Variants in ANO2 observed in about 807,000 individuals in gnomAD.
ANO2 encodes the protein anoctamin-2.
ANO2 carries 101 observed loss-of-function variants against 124.2 expected under a neutral mutation model. The observed-to-expected ratio is 0.81, with a 90% CI of 0.69 to 0.96. The LOEUF is 0.96. ANO2 is among the 40% of genes least tolerant of loss of function. The pLI, the probability that ANO2 is intolerant of heterozygous loss-of-function variation, is 0.00. For synonymous variants in ANO2, 486 were observed against 482.5 expected, an observed-to-expected ratio of 1.01 and a Z score of -0.09; for missense variants, 1,293 against 1,274.5, an observed-to-expected ratio of 1.01 and a Z score of -0.22.
intron 1 of ANO2, among the ~76,000 whole-genome samples, chr12:5,936,891 T>C (rs1046563285): frequency 2.0e-5 from 3 of 152,240 alleles, no homozygotes; most frequent in East Asian, 3.8e-4. Context: ...AGAATTTTTA[T>C]AGAATTTTAT....
chr12:5,662,229 T>C (rs565864448), intron 14 of ANO2, among the ~76,000 whole-genome samples: 1 of 152,372 alleles, frequency 6.6e-6, no homozygotes, highest in African/African-American at 2.4e-5. Flanking sequence ...AGAGAAGACC[T>C]AGACCTATGC....
Position 5,858,834 on chromosome 12 carries a change from G to A in ANO2, c.535-4693C>T, listed in dbSNP as rs1358552112. ...TTCTTCAAGCACCTAGCACGAGACTGCACACACAGCAGGTCCTTGCTGGGG... is the reference window on the plus strand; with the variant it reads ...TTCTTCAAGCACCTAGCACGAGACTACACACACAGCAGGTCCTTGCTGGGG... On this transcript the variant is annotated intron_variant, in intron 3 of 24. Transcript: ENST00000682330. 3 of 152,358 alleles carry A rather than the reference G, an allele frequency of 2.0e-5. No individual in the cohort carries two copies. The East Asian group carries it at 5.8e-4, about 29-fold the overall frequency. 9.4% of individuals were successfully genotyped at this position (152,358 alleles called of 1,614,324 possible).
At position 5,739,070 on chromosome 12, in the gene ANO2, G is replaced by T. The variant is rs1950987616; in HGVS notation, c.1434+247C>A. 10 of 641,072 alleles carry T rather than the reference G, an allele frequency of 1.6e-5. 1 individual carries two copies. The highest frequency in any genetic ancestry group is 2.9e-5 in the Non-Finnish European group (10 of 345,848). The allele number at this position is 641,072 out of a possible 1,614,324, so 39.7% of individuals were successfully genotyped here. ...CTCTTTCCCCAGAGGAGGGCACTGG[G>T]ACATCTGCCCAAACACCAGGCTCAA... is the stretch of plus-strand genomic sequence containing the variant. On this transcript the variant is annotated intron_variant, in intron 13 of 24. Transcript: ENST00000682330.
At chr12:5,710,137 T>C (rs182455301) in intron 14 of ANO2, among the ~76,000 whole-genome samples, 8 of 152,354 alleles carry the variant, frequency 5.3e-5, no homozygotes, top group African/African-American at 1.9e-4. Flanking sequence ...GGAAGACCCC[T>C]GTGAAAGCCC....
At chr12:5,894,814 T>C (rs1365929088) in intron 3 of ANO2, among the ~76,000 whole-genome samples, 1 of 152,182 alleles carries the variant, frequency 6.6e-6, no homozygotes, top group Non-Finnish European at 1.5e-5. Context: ...TGGGTGGCGT[T>C]ATTTCTGAGG....
At chr12:5,792,584 C>A (rs909555301) in intron 10 of ANO2, among the ~76,000 whole-genome samples, 3 of 152,302 alleles carry the variant, frequency 2.0e-5, no homozygotes, top group African/African-American at 7.2e-5. Flanking sequence ...TCACATCACA[C>A]TGATGTTTCT....
At chr12:5,829,118 C>T (rs1342213361) in intron 6 of ANO2, among the ~76,000 whole-genome samples, 7 of 152,136 alleles carry the variant, frequency 4.6e-5, no homozygotes, top group Admixed American at 1.3e-4. Flanking sequence ...TAAATAACTA[C>T]GGGGCCCAAG....
intron 19 of ANO2, among the ~76,000 whole-genome samples, chr12:5,611,636 T>C (rs776013751): frequency 8.5e-5 from 13 of 152,194 alleles, no homozygotes; most frequent in Non-Finnish European, 1.3e-4. Context: ...CCACCCTGAA[T>C]TCCAACTGCT....
intron 12 of ANO2, among the ~76,000 whole-genome samples, chr12:5,743,472 C>CGCGTGT (rs1555154780): frequency 1.3e-5 from 2 of 149,454 alleles, no homozygotes; most frequent in Non-Finnish European, 3.0e-5. Flanking sequence ...TGAGAATAGG[C>CGCGTGT]GTGTGTGTGT....
chr12:5,695,230 G>T (rs2137019627), intron 14 of ANO2, among the ~76,000 whole-genome samples: 1 of 152,178 alleles, frequency 6.6e-6, no homozygotes, highest in Non-Finnish European at 1.5e-5. Flanking sequence ...GCCTCAACAG[G>T]AATTAGGCCC....
chr12:5,682,551 G>A (rs1948543075), intron 14 of ANO2, among the ~76,000 whole-genome samples: 1 of 152,150 alleles, frequency 6.6e-6, no homozygotes, highest in Admixed American at 6.5e-5. Flanking sequence ...AGCTCCTGCA[G>A]TTCATGCTGT....
chr12:5,641,730 G>C (rs1558506), intron 15 of ANO2, among the ~76,000 whole-genome samples: 63,499 of 151,990 alleles, frequency 0.42, 14,162 homozygotes, highest in East Asian at 0.56. Flanking sequence ...TTCTCAATTA[G>C]TTATTGGTTC....
chr12:5,733,756 C>A (rs369047979), intron 13 of ANO2, among the ~76,000 whole-genome samples: 1 of 152,268 alleles, frequency 6.6e-6, no homozygotes, highest in African/African-American at 2.4e-5. Flanking sequence ...GAGGGGACGT[C>A]AGTCCCACCC....
At chr12:5,665,743 A>C (rs1947676541) in intron 14 of ANO2, among the ~76,000 whole-genome samples, 1 of 121,564 alleles carries the variant, frequency 8.2e-6, no homozygotes, top group African/African-American at 3.1e-5. Context: ...GGGAGTCAAC[A>C]CATCATCTCT....
rs556028409 is a variant in ANO2, at chr12:5,625,070, G to A, written c.1817-9773C>T. On this transcript the variant is annotated intron_variant, in intron 16 of 24. Transcript: ENST00000682330. Reference sequence around the variant, plus strand: ...GGAGGGGGAATTGGAGAGGAAGGCCGGAGAGTAAATGTGTGGCTCTGTGAG... The same window carrying A: ...GGAGGGGGAATTGGAGAGGAAGGCCAGAGAGTAAATGTGTGGCTCTGTGAG... Among the ~76,000 whole-genome samples the A allele has an allele frequency of 2.0e-4, 30 of 152,320 alleles. No homozygotes were observed. In the South Asian group the frequency reaches 2.9e-3, roughly 15 times the overall value.
At chr12:5,587,296 A>G (rs1297276171) in intron 20 of ANO2, among the ~76,000 whole-genome samples, 1 of 152,168 alleles carries the variant, frequency 6.6e-6, no homozygotes, top group African/African-American at 2.4e-5. Context: ...ACTGACAATC[A>G]CATCATTTAT....
intron 3 of ANO2, among the ~76,000 whole-genome samples, chr12:5,915,528 G>C (rs2136296680): frequency 6.6e-6 from 1 of 152,222 alleles, no homozygotes; most frequent in Non-Finnish European, 1.5e-5. Flanking sequence ...ATTTTTAATG[G>C]GTCTCTGATA....
In ANO2 at chr12:5,572,767, T is replaced by C. The variant is rs564004866; in HGVS notation, c.2621+3067A>G. On this transcript the variant is annotated intron_variant, in intron 23 of 24. Coordinates refer to ENST00000682330, the MANE Select transcript of ANO2 (RefSeq NM_001364791.2). ...CTTGATCTTGGGATGATTTATTTTCTGCAAATAAATTTTTTTGGCAGAAAT... is the reference window on the plus strand; with the variant it reads ...CTTGATCTTGGGATGATTTATTTTCCGCAAATAAATTTTTTTGGCAGAAAT... 2.0e-5 allele frequency among the ~76,000 whole-genome samples: 3 copies of C among 152,360 alleles called. No individual in the cohort carries two copies. The East Asian group carries it at 5.8e-4, about 29-fold the overall frequency.
rs138516361 is a variant in ANO2, at chr12:5,764,776, G to C, written c.1056-13806C>G. Among the ~76,000 whole-genome samples the C allele has an allele frequency of 1.2e-3, 185 of 150,794 alleles. 1 individual carries two copies. The highest frequency in any genetic ancestry group is 4.1e-3 in the African/African-American group (168 of 40,960). ...AGCATCTCATCTGAGGCATTCGATC[G>C]TTCAGAGACAGATTTCCCTAACGGC... On this transcript the variant is annotated intron_variant, in intron 10 of 24. Coordinates refer to ENST00000682330, the MANE Select transcript of ANO2 (RefSeq NM_001364791.2).
Sources: allele counts gnomAD v4.1 joint callset (sites outside exome capture counted in the v4.1 genomes callset), GRCh38; gene constraint gnomAD v4.1.1; transcripts MANE v1.5; gene names NCBI Gene and HGNC (gene_info 2026-07-23, HGNC 2026-07-21).